The following FARP1 variants were observed in gnomAD, a reference collection of about 807,000 sequenced individuals.
FARP1 encodes FERM, ARH/RhoGEF and pleckstrin domain protein 1, also known as FERM, ARHGEF and pleckstrin domain-containing protein 1.
In FARP1, 52 loss-of-function variants were observed where a neutral mutation model predicts 128.8. That is an observed-to-expected ratio of 0.40 (90% confidence interval 0.32 to 0.51). The LOEUF (loss-of-function observed/expected upper bound fraction) is 0.51. Ranked by LOEUF, FARP1 falls within the 20% of genes least tolerant of loss-of-function variation. FARP1 has a pLI of 0.45. For synonymous variants in FARP1, 580 were observed against 551.8 expected, an observed-to-expected ratio of 1.05 and a Z score of -0.72; for missense variants, 1,333 against 1,367.9, an observed-to-expected ratio of 0.97 and a Z score of 0.40.
At chr13:98,418,248 GTTTA>G (rs1566305821) in intron 16 of FARP1, among the ~76,000 whole-genome samples, 5 of 148,136 alleles carry the variant, frequency 3.4e-5, no homozygotes, top group Admixed American at 2.1e-4. Context: ...AAAATTACAT[GTTTA>G]TTTGTTTGTT....
intron 1 of FARP1, among the ~76,000 whole-genome samples, chr13:98,152,353 T>C (rs1330071370): frequency 6.6e-6 from 1 of 152,134 alleles, no homozygotes; most frequent in Non-Finnish European, 1.5e-5. Context: ...TAGCAAAAAT[T>C]TTCCCAGAAG....
chr13:98,155,340 T>A (rs1177408013), intron 1 of FARP1, among the ~76,000 whole-genome samples: 2 of 67,140 alleles, frequency 3.0e-5, no homozygotes, highest in Non-Finnish European at 6.5e-5. Context: ...CGAAACTCTG[T>A]CTCAAAAAAA....
intron 2 of FARP1, among the ~76,000 whole-genome samples, chr13:98,332,183 C>T (rs540064014): frequency 1.3e-5 from 2 of 152,246 alleles, no homozygotes; most frequent in South Asian, 2.1e-4. Flanking sequence ...AGAACTTTTT[C>T]ATCTTCCCAA....
chr13:98,421,197 TAGAG>T (rs1284108907), intron 16 of FARP1, among the ~76,000 whole-genome samples: 1 of 152,228 alleles, frequency 6.6e-6, no homozygotes, highest in Non-Finnish European at 1.5e-5. Flanking sequence ...GCTGGGGACT[TAGAG>T]AGATACGGAT....
intron 1 of FARP1, among the ~76,000 whole-genome samples, chr13:98,159,082 G>A (rs1054852462): frequency 3.3e-5 from 5 of 152,208 alleles, no homozygotes; most frequent in Non-Finnish European, 7.3e-5. Context: ...AATTGCTTGA[G>A]TCTAGTGTGT....
chr13:98,212,873 G>A (rs1437314835), intron 1 of FARP1, among the ~76,000 whole-genome samples: 2 of 152,104 alleles, frequency 1.3e-5, no homozygotes, highest in East Asian at 3.8e-4. Context: ...CTAATGATAT[G>A]GTTTAGGCAC....
chr13:98,393,998 C>A (rs1186725419), intron 12 of FARP1, among the ~76,000 whole-genome samples: 1 of 152,324 alleles, frequency 6.6e-6, no homozygotes, highest in Admixed American at 6.5e-5. Context: ...GCGGCGGAAC[C>A]ATCGCGGCAG....
chr13:98,383,446 A>G (rs1052798488), intron 6 of FARP1, among the ~76,000 whole-genome samples: 15 of 152,220 alleles, frequency 9.9e-5, no homozygotes, highest in African/African-American at 3.4e-4. Flanking sequence ...GTGAGTTGGC[A>G]TGGCTTTGTG....
intron 2 of FARP1, among the ~76,000 whole-genome samples, chr13:98,339,480 G>A (rs1199832472): frequency 6.6e-6 from 1 of 152,166 alleles, no homozygotes; most frequent in African/African-American, 2.4e-5. Flanking sequence ...AGATTTGGGT[G>A]GGGACACAGA....
At position 98,176,026 on chromosome 13, in the gene FARP1, G is replaced by T; in HGVS notation, c.-24+32534G>T. 1.3e-6 allele frequency: 1 copy of T among 795,530 alleles called. No homozygotes were observed. The highest frequency in any genetic ancestry group is 2.1e-6 in the Non-Finnish European group (1 of 479,030). The allele number at this position is 795,530 out of a possible 1,614,324, so 49.3% of individuals were successfully genotyped here. On this transcript the variant is annotated intron_variant, in intron 1 of 26. Coordinates refer to ENST00000319562, the MANE Select transcript of FARP1 (RefSeq NM_005766.4). The surrounding 1 kb of genome is among the most constrained non-coding windows in gnomAD (Gnocchi z 6.2). ...ATAATTCTGCAGTGAACATGGGAGT[G>T]CACATACCTCTTTGAGATCCGGATT...
At chr13:98,379,639 A>T (rs1252887507) in intron 6 of FARP1, among the ~76,000 whole-genome samples, 1 of 152,226 alleles carries the variant, frequency 6.6e-6, no homozygotes, top group East Asian at 1.9e-4. Context: ...GAGGATGCTC[A>T]CGTCCCTGAT....
At chr13:98,256,962 T>C (rs1386516111) in intron 2 of FARP1, among the ~76,000 whole-genome samples, 1 of 113,718 alleles carries the variant, frequency 8.8e-6, no homozygotes, top group Non-Finnish European at 1.7e-5. Flanking sequence ...TATATATATA[T>C]ATATATATAT....
At chr13:98,169,895 T>TA (rs1245231359) in intron 1 of FARP1, among the ~76,000 whole-genome samples, 2 of 152,124 alleles carry the variant, frequency 1.3e-5, no homozygotes, top group Non-Finnish European at 2.9e-5. Context: ...AAAATTCTTC[T>TA]AAAAAAACTT....
At chr13:98,309,127 ATATAT>A (rs1886323454) in intron 2 of FARP1, among the ~76,000 whole-genome samples, 1 of 149,192 alleles carries the variant, frequency 6.7e-6, no homozygotes, top group Admixed American at 6.7e-5. Flanking sequence ...ATTACATAAA[ATATAT>A]TAATATTAAT....
chr13:98,313,130 ACACACACACACT>A (rs1482440636), intron 2 of FARP1, among the ~76,000 whole-genome samples: 1 of 150,988 alleles, frequency 6.6e-6, no homozygotes, highest in African/African-American at 2.4e-5. Context: ...ACACACACAC[ACACACACACACT>A]CACTCGAATC....
intron 2 of FARP1, among the ~76,000 whole-genome samples, chr13:98,285,491 G>A (rs754243983): frequency 5.3e-5 from 8 of 152,190 alleles, no homozygotes; most frequent in Non-Finnish European, 8.8e-5. Context: ...AAAGCCAGGT[G>A]CCTGCTAGAC....
At chr13:98,417,946 T>C (rs1891450311) in intron 16 of FARP1, among the ~76,000 whole-genome samples, 1 of 152,246 alleles carries the variant, frequency 6.6e-6, no homozygotes, top group South Asian at 2.1e-4. Context: ...TCAGTGTTCA[T>C]AGCAGCTTTA....
At chr13:98,343,691 G>C in intron 2 of FARP1, 71 bp from the exon 3 acceptor site, 1 of 1,068,024 alleles carries the variant, frequency 9.4e-7, no homozygotes. Context: ...GAGGTTTCCT[G>C]CAGCGAGGAG....
At position 98,206,343 on chromosome 13, in the gene FARP1, T is replaced by G. The variant is rs559856314; in HGVS notation, c.-23-6877T>G. 6.6e-5 allele frequency among the ~76,000 whole-genome samples: 10 copies of G among 152,320 alleles called. No homozygotes were observed. In the South Asian group the frequency reaches 2.1e-3, roughly 32 times the overall value. ...CAGACTGCTTCCTACAAATATGGCT[T>G]GCCTGTATGGTTTCTCATTTCATAT... On this transcript the variant is annotated intron_variant, in intron 1 of 26. Coordinates refer to ENST00000319562, the MANE Select transcript of FARP1 (RefSeq NM_005766.4).
Sources: gnomAD v4.1 joint callset for allele counts (sites outside exome capture counted in the v4.1 genomes callset) on GRCh38, gnomAD v4.1.1 for gene constraint, Gnocchi (gnomAD v3.1) non-coding constraint, MANE v1.5 for transcripts, NCBI Gene and HGNC (gene_info 2026-07-23, HGNC 2026-07-21) for gene names.